MCM3AP: variants seen among roughly 807,000 people sequenced by gnomAD.
MCM3AP encodes germinal-center associated nuclear protein.
A neutral mutation model predicts 184.1 loss-of-function variants in MCM3AP; 126 were observed. The observed-to-expected ratio is 0.68, with a 90% CI of 0.59 to 0.79. MCM3AP has a LOEUF of 0.79. Among genes scored for constraint, MCM3AP ranks in the 30% least tolerant of loss-of-function variants. The pLI is 0.00. For missense variants in MCM3AP, 2,496 were observed against 2,479.2 expected (o/e 1.01, Z -0.14); for synonymous variants, 1,002 against 979.3 (o/e 1.02, Z -0.43).
At chr21:46,249,693 T>C (rs201390178) in intron 20 of MCM3AP, 4 of 417,496 alleles carry the variant, frequency 9.6e-6, no homozygotes, top group Non-Finnish European at 1.9e-5. Context: ...GAAAAAATAC[T>C]GCAGCTGCTG....
intron 17 of MCM3AP, among the ~76,000 whole-genome samples, chr21:46,255,609 G>A (rs1425290501): frequency 6.6e-6 from 1 of 152,146 alleles, no homozygotes; most frequent in Non-Finnish European, 1.5e-5. Context: ...AGCAGGAAGG[G>A]GCAGGGTGGG....
At chr21:46,283,573 G>A (rs2081359845) in intron 2 of MCM3AP, 42 bp downstream of exon 2, 3 of 1,415,364 alleles carry the variant, frequency 2.1e-6, no homozygotes, top group Non-Finnish European at 3.0e-6. Flanking sequence ...AAGTGACAAG[G>A]TTCAAATCTA....
intron 19 of MCM3AP, chr21:46,252,819 G>C (rs1264992509): frequency 6.6e-6 from 1 of 152,026 alleles, no homozygotes; most frequent in African/African-American, 2.4e-5. Context: ...TTTATGGTAT[G>C]TGAATAACAT....
chr21:46,278,376 A>G (rs1439567957), intron 4 of MCM3AP, among the ~76,000 whole-genome samples: 1 of 152,174 alleles, frequency 6.6e-6, no homozygotes, highest in Non-Finnish European at 1.5e-5. Flanking sequence ...AGCTTTCATC[A>G]TTTTCTGAAC....
At position 46,251,459 on chromosome 21, in the gene MCM3AP, T is replaced by C. The variant is rs2080866833; in HGVS notation, c.4290+70A>G. ...AGGGAATAAGCAGTATTTGCATGGT[T>C]CCAGTGATATCTGGGAGTAAGTGAA... On this transcript the variant is annotated intron_variant, in intron 20 of 27. Coordinates refer to ENST00000291688, the MANE Select transcript of MCM3AP (RefSeq NM_003906.5). The C allele has an allele frequency of 6.0e-6, 8 of 1,338,092 alleles. No homozygotes were observed. The Admixed American group carries it at 1.5e-4, about 25-fold the overall frequency. The allele number at this position is 1,338,092 out of a possible 1,614,324, so 82.9% of individuals were successfully genotyped here. A position where few individuals can be genotyped will look rare whatever the true frequency, so the allele number is the denominator to read the frequency against.
rs1347703607 is a variant in MCM3AP, at chr21:46,235,523, C to T, written c.5785-97G>A. 5.1e-6 allele frequency: 5 copies of T among 986,372 alleles called. No homozygotes were observed. In the African/African-American group the frequency reaches 6.4e-5, roughly 13 times the overall value. 61.1% of individuals were successfully genotyped at this position (986,372 alleles called of 1,614,324 possible). A position where few individuals can be genotyped will look rare whatever the true frequency, so the allele number is the denominator to read the frequency against. ...TAGATCTGGATCATGTTAGAAACCT[C>T]ATCTGAGTAGTCATTTATTTTTACA... On this transcript the variant is annotated intron_variant, in intron 27 of 27. Coordinates refer to ENST00000291688, the MANE Select transcript of MCM3AP (RefSeq NM_003906.5).
chr21:46,284,238 T>A lies in MCM3AP; in HGVS notation c.1049A>T (p.Lys350Met), dbSNP rs147565274. Residue 350 changes from lysine (K) to methionine (M), a missense_variant, in exon 1 of 28, where the codon AAG (lysine) becomes ATG (methionine). Lys to Met is a moderately conservative substitution (Grantham distance 95, BLOSUM62 -1). Around this residue, in one of 5 missense-constraint regions of MCM3AP, gnomAD observed 800 missense variants for 717.1 expected, o/e 1.12. Transcript: ENST00000291688. ...CTTGTTGCCCAGACGACCTACTTCCTTATTGCTTTTGAAAACATCCTGTAT... is the reference window on the plus strand; with the variant it reads ...CTTGTTGCCCAGACGACCTACTTCCATATTGCTTTTGAAAACATCCTGTAT... ...RTIQDVFKSN[K>M]EVGRLGNKEA... 157 of 1,614,210 alleles carry A rather than the reference T, an allele frequency of 9.7e-5. No individual in the cohort carries two copies. Among genetic ancestry groups the A allele is most frequent in the Middle Eastern group, 1.6e-4 (1 of 6,062 alleles).
intron 12 of MCM3AP, 49 bp downstream of exon 12, chr21:46,265,272 C>A (rs375475676): frequency 6.4e-7 from 1 of 1,568,106 alleles, no homozygotes; most frequent in Non-Finnish European, 8.8e-7. Context: ...AGGACGTTTG[C>A]GCACAATGGG....
Position 46,266,047 on chromosome 21 carries a change from G to A in MCM3AP, c.2909C>T (p.Pro970Leu), listed in dbSNP as rs143292027. 56 of 1,612,306 alleles carry A rather than the reference G, an allele frequency of 3.5e-5. No individual in the cohort carries two copies. The African/African-American group carries it at 7.1e-4, about 20-fold the overall frequency. The change falls in exon 11 of 28, where the codon CCA becomes CTA. Residue 970 changes from proline to leucine, a missense_variant. By Grantham distance (98) the Pro-to-Leu change is moderately conservative. Transcript: ENST00000291688. ...GGTATGACGAGGGACGGGGGGCAAT[G>A]GCCCTCCGTTCACAATTTCCCCGAC... is the stretch of plus-strand genomic sequence containing the variant. ...VSVGEIVNGG[P>L]LPPVPRHTPV...
chr21:46,241,670 T>C (rs771153195), intron 25 of MCM3AP: 2 of 152,594 alleles, frequency 1.3e-5, no homozygotes, highest in Non-Finnish European at 2.9e-5. Context: ...TTCTCAGCAA[T>C]TGATGCATAT....
intron 26 of MCM3AP, 102 bp downstream of exon 26, chr21:46,240,709 T>G (rs1373949933): frequency 9.6e-7 from 1 of 1,045,222 alleles, no homozygotes; most frequent in Non-Finnish European, 1.4e-6. Context: ...CCACCTGCCC[T>G]TCTCCATCCT....
chr21:46,247,137 G>GTCT, intron 20 of MCM3AP: 1 of 418,650 alleles, frequency 2.4e-6, no homozygotes, highest in Non-Finnish European at 4.3e-6. Context: ...TTTTTTTTTT[G>GTCT]AGAAGGGGGT....
Position 46,284,344 on chromosome 21 carries a change from G to C in MCM3AP, c.943C>G (p.Leu315Val), listed in dbSNP as rs762383687. The change falls in exon 1 of 28, where the codon CTG becomes GTG. Residue 315 changes from leucine to valine, a missense_variant. By Grantham distance (32) the Leu-to-Val change is conservative. This residue lies in a region of MCM3AP where 800 missense variants were observed against 717.1 expected (regional missense o/e 1.12). Transcript: ENST00000291688. The part of the protein sequence containing the change: ...GHEPAEDSDP[L>V]SRGDHPPDKR... Reference sequence around the variant, plus strand: ...TCTGGAGGATGATCGCCCCGGGACAGAGGATCCGAATCTTCTGCTGGCTCG... The same window carrying C: ...TCTGGAGGATGATCGCCCCGGGACACAGGATCCGAATCTTCTGCTGGCTCG... 1.9e-6 allele frequency: 3 copies of C among 1,614,250 alleles called. No individual in the cohort carries two copies. The highest frequency in any genetic ancestry group is 2.5e-6 in the Non-Finnish European group (3 of 1,180,036).
chr21:46,275,872 C>T (rs1051700901), intron 5 of MCM3AP, among the ~76,000 whole-genome samples: 2 of 152,208 alleles, frequency 1.3e-5, no homozygotes, highest in African/African-American at 2.4e-5. Flanking sequence ...TGCTATTACA[C>T]TTAAGTTACA....
chr21:46,259,306 A>T (rs2081005850), intron 15 of MCM3AP: 1 of 372,568 alleles, frequency 2.7e-6, no homozygotes, highest in African/African-American at 2.1e-5. Flanking sequence ...ATACAAAAAA[A>T]TTAGCCTGGT....
rs2081212986 is a variant in MCM3AP, at chr21:46,273,527, G to T, written c.2057C>A (p.Pro686His). 6.2e-7 allele frequency: 1 copy of T among 1,613,764 alleles called. No homozygotes were observed. The highest frequency in any genetic ancestry group is 8.5e-7 in the Non-Finnish European group (1 of 1,179,858). The change falls in exon 7 of 28, where the codon CCC becomes CAC. Residue 686 changes from proline to histidine, a missense_variant. Transcript: ENST00000291688. ...YSRSSADQEE[P>H]LPHELRPLPV... The stretch of plus-strand genomic sequence containing the variant: ...CAAGGGCCGCAGCTCGTGGGGCAGG[G>T]GCTCCTCCTGATCCGCCGAGGACCG...
Position 46,246,685 on chromosome 21 carries a change from G to A in MCM3AP, c.4492C>T (p.Leu1498=). Reference sequence around the variant, plus strand: ...CCTGGGCTAGGCACAAGAACCACCAGAGGAAGCGCAGGCTGGAAGGGCTTA... The same window carrying A: ...CCTGGGCTAGGCACAAGAACCACCAAAGGAAGCGCAGGCTGGAAGGGCTTA... ...QAKPFQPALP[L]VVLVPSPGGD... Residue 1498 remains leucine (L), a synonymous_variant, in exon 21 of 28, where the codon CTG becomes TTG. Coordinates refer to ENST00000291688, the MANE Select transcript of MCM3AP (RefSeq NM_003906.5). 6.2e-7 allele frequency: 1 copy of A among 1,614,228 alleles called. No homozygotes were observed. Among genetic ancestry groups the A allele is most frequent in the Non-Finnish European group, 8.5e-7 (1 of 1,180,030 alleles).
intron 5 of MCM3AP, 56 bp downstream of exon 5, chr21:46,277,471 C>A: frequency 1.4e-6 from 2 of 1,402,020 alleles, no homozygotes; most frequent in Non-Finnish European, 1.9e-6. Context: ...GCCCTGATGG[C>A]ACCCAAGATG....
chr21:46,280,120 A>C lies in MCM3AP; in HGVS notation c.1540T>G (p.Phe514Val). The change falls in exon 4 of 28, where the codon TTT (phenylalanine) becomes GTT (valine). Residue 514 changes from phenylalanine to valine, a missense_variant. Coordinates refer to ENST00000291688, the MANE Select transcript of MCM3AP (RefSeq NM_003906.5). ...CCTGGTTTCTTCTCCTTCAGGGAAA[A>C]GGGTTTCTTATTGGGGCCTGTGGAC... is the stretch of plus-strand genomic sequence containing the variant. Reference protein sequence around the residue: ...RKKISPNKKPFSLKEKKPGDG... With the variant: ...RKKISPNKKPVSLKEKKPGDG... 1 of 1,614,118 alleles carries C rather than the reference A, an allele frequency of 6.2e-7. No individual in the cohort carries two copies. The highest frequency in any genetic ancestry group is 8.5e-7 in the Non-Finnish European group (1 of 1,179,994).
Sources: gnomAD v4.1 joint callset for allele counts (sites outside exome capture counted in the v4.1 genomes callset) on GRCh38, gnomAD v4.1.1 for gene constraint, gnomAD v4.1.1 regional missense constraint, MANE v1.5 for transcripts, NCBI Gene and HGNC (gene_info 2026-07-23, HGNC 2026-07-21) for gene names.